The following SAMD9L variants were observed in gnomAD, a reference collection of about 807,000 sequenced individuals.
SAMD9L encodes the protein sterile alpha motif domain-containing protein 9-like.
Under a neutral mutation model 90.7 loss-of-function variants are expected in SAMD9L, and 68 were observed. That is an observed-to-expected ratio of 0.75 (90% CI 0.62 to 0.92). The LOEUF (loss-of-function observed/expected upper bound fraction) is 0.92. SAMD9L is among the 40% of genes least tolerant of loss of function. The pLI, the probability that SAMD9L is intolerant of heterozygous loss-of-function variation, is 0.00. For synonymous variants in SAMD9L, 640 were observed against 630.1 expected, an observed-to-expected ratio of 1.02 and a Z score of -0.23; for missense variants, 1,604 against 1,824.3, an observed-to-expected ratio of 0.88 and a Z score of 2.20.
At chr7:93,139,174 G>A (rs1792580840) in intron 4 of SAMD9L, among the ~76,000 whole-genome samples, 1 of 152,108 alleles carries the variant, frequency 6.6e-6, no homozygotes, top group Non-Finnish European at 1.5e-5. Flanking sequence ...ATAATTATTG[G>A]TGGCTCAATA....
At chr7:93,142,093 C>T (rs1690486208) in intron 4 of SAMD9L, among the ~76,000 whole-genome samples, 1 of 152,160 alleles carries the variant, frequency 6.6e-6, no homozygotes, top group South Asian at 2.1e-4. Flanking sequence ...AGCTCACACC[C>T]TCACCTTTTT....
chr7:93,143,819 C>G (rs1244028375), intron 4 of SAMD9L, among the ~76,000 whole-genome samples: 1 of 152,152 alleles, frequency 6.6e-6, no homozygotes, highest in East Asian at 1.9e-4. Flanking sequence ...GTAGTTGGAA[C>G]TGTTATTTAA....
Position 93,135,259 on chromosome 7 carries a change from T to G in SAMD9L, c.713A>C (p.His238Pro). Residue 238 changes from histidine (H) to proline (P), a missense_variant, in exon 5 of 5, where the codon CAT (histidine) becomes CCT (proline). Transcript: ENST00000318238. ...ATGGGGTTTGTCCTTGACTCCAAAA[T>G]GGATGGTGCCATTGGTGCGTGAATT... ...CMNSRTNGTI[H>P]FGVKDKPHGE... 6.2e-7 allele frequency: 1 copy of G among 1,614,132 alleles called. No homozygotes were observed. Among genetic ancestry groups the G allele is most frequent in the Non-Finnish European group, 8.5e-7 (1 of 1,179,984 alleles).
In SAMD9L at chr7:93,131,188, C is replaced by T. The variant is rs201546778; in HGVS notation, c.*29G>A. On this transcript the variant is annotated 3_prime_UTR_variant, in exon 5 of 5. Coordinates refer to ENST00000318238, the MANE Select transcript of SAMD9L (RefSeq NM_152703.5). ...ATAAAATCATAAAGATATAAATAAA[C>T]GTATTTGAACTACAGGTGATGTATT... is the stretch of plus-strand genomic sequence containing the variant. 11 of 1,208,680 alleles carry T rather than the reference C, an allele frequency of 9.1e-6. No individual in the cohort carries two copies. In the Admixed American group the frequency reaches 9.5e-5, roughly 10 times the overall value. 74.9% of individuals were successfully genotyped at this position (1,208,680 alleles called of 1,614,324 possible).
rs116965992 is a variant in SAMD9L at position 93,131,118 on chromosome 7, G to A, written c.*99C>T. On this transcript the variant is annotated 3_prime_UTR_variant, in exon 5 of 5. Transcript: ENST00000318238. The stretch of plus-strand genomic sequence containing the variant: ...GCAAAAGCAAAATCTGTAATTAGAG[G>A]TTAGCCATAATGTTATGAAAGTGCC... 0.016 allele frequency: 11,713 copies of A among 751,370 alleles called. 199 individuals are homozygous for A. Among genetic ancestry groups the A allele is most frequent in the East Asian group, 0.087 (2,922 of 33,428 alleles). The allele number at this position is 751,370 out of a possible 1,614,324, so 46.5% of individuals were successfully genotyped here.
chr7:93,137,835 T>C (rs997684106), intron 4 of SAMD9L, among the ~76,000 whole-genome samples: 17 of 151,456 alleles, frequency 1.1e-4, no homozygotes, highest in Non-Finnish European at 2.5e-4. Flanking sequence ...CTTGGAAAAG[T>C]TCACCAGAAA....
At chr7:93,138,334 G>A (rs181666023) in intron 4 of SAMD9L, among the ~76,000 whole-genome samples, 119 of 152,142 alleles carry the variant, frequency 7.8e-4, no homozygotes, top group African/African-American at 2.7e-3. Context: ...TTATGTACCA[G>A]GCATCATGCT....
intron 4 of SAMD9L, among the ~76,000 whole-genome samples, chr7:93,144,301 G>C (rs900903929): frequency 6.6e-6 from 1 of 152,010 alleles, no homozygotes; most frequent in African/African-American, 2.4e-5. Flanking sequence ...TACCACATCT[G>C]TGGGTTCAAT....
chr7:93,133,537 T>C lies in SAMD9L; in HGVS notation c.2435A>G (p.Tyr812Cys). 5 of 1,613,676 alleles carry C rather than the reference T, an allele frequency of 3.1e-6. No homozygotes were observed. Among genetic ancestry groups the C allele is most frequent in the Non-Finnish European group, 4.2e-6 (5 of 1,179,834 alleles). The part of the protein sequence containing the change: ...VDDFEEQENV[Y>C]FLQNAIHSVL... Reference sequence around the variant, plus strand: ...GGAATGGATGGCATTTTGTAGAAAGTAGACATTTTCTTGTTCTTCAAAATC... The same window carrying C: ...GGAATGGATGGCATTTTGTAGAAAGCAGACATTTTCTTGTTCTTCAAAATC... The change falls in exon 5 of 5, where the codon TAC becomes TGC. Residue 812 changes from tyrosine to cysteine, a missense_variant. Tyr to Cys is a radical substitution (Grantham distance 194, BLOSUM62 -2). Coordinates refer to ENST00000318238, the MANE Select transcript of SAMD9L (RefSeq NM_152703.5).
chr7:93,138,510 C>T (rs1792548127), intron 4 of SAMD9L, among the ~76,000 whole-genome samples: 1 of 152,036 alleles, frequency 6.6e-6, no homozygotes. Flanking sequence ...AAGAAGGAGT[C>T]TAGGCCTAGG....
chr7:93,132,622 G>A lies in SAMD9L; in HGVS notation c.3350C>T (p.Ser1117Phe). The A allele has an allele frequency of 6.2e-7, 1 of 1,613,520 alleles. No individual in the cohort carries two copies. Among genetic ancestry groups the A allele is most frequent in the Non-Finnish European group, 8.5e-7 (1 of 1,179,750 alleles). The change falls in exon 5 of 5, where the codon TCC (serine) becomes TTC (phenylalanine). Residue 1117 changes from serine (S) to phenylalanine (F), a missense_variant. Physicochemically the swap from Ser to Phe is radical, Grantham distance 155. Around this residue, in one of 7 missense-constraint regions of SAMD9L, gnomAD observed 302 missense variants for 314.7 expected, o/e 0.96. Transcript: ENST00000318238. Reference protein sequence around the residue: ...RQAKMKAPKNSYISDTLGQVY... With the variant: ...RQAKMKAPKNFYISDTLGQVY... ...TTGACCTAGTGTATCTGAAATATAG[G>A]AATTTTTAGGTGCTTTCATTTTGGC...
intron 4 of SAMD9L, among the ~76,000 whole-genome samples, chr7:93,137,063 A>G (rs1187001443): frequency 6.6e-6 from 1 of 152,226 alleles, no homozygotes; most frequent in Non-Finnish European, 1.5e-5. Context: ...ACAGAAAATC[A>G]GAAAGAATAT....
chr7:93,132,017 C>A lies in SAMD9L; in HGVS notation c.3955G>T (p.Glu1319Ter). Residue 1319 changes from glutamate to a stop codon, truncating the protein, a stop_gained, in exon 5 of 5, where the codon GAG (glutamate) becomes TAG (stop). Coordinates refer to ENST00000318238, the MANE Select transcript of SAMD9L (RefSeq NM_152703.5). LOFTEE classifies it high-confidence loss of function. ...TTCTCCTCCTGGAGTAATTGACTCT[C>A]TTTACTTTGTAATAGACATGGATCC... is the stretch of plus-strand genomic sequence containing the variant. ...HLDPCLLQSK[E>*]SQLLQEENCR... 6.2e-7 allele frequency: 1 copy of A among 1,613,364 alleles called. No homozygotes were observed. Among genetic ancestry groups the A allele is most frequent in the Non-Finnish European group, 8.5e-7 (1 of 1,179,760 alleles).
At position 93,131,145 on chromosome 7, in the gene SAMD9L, T is replaced by G; in HGVS notation, c.*72A>C. 42 of 998,508 alleles carry G rather than the reference T, an allele frequency of 4.2e-5. No individual in the cohort carries two copies. Among genetic ancestry groups the G allele is most frequent in the Non-Finnish European group, 5.2e-5 (37 of 705,028 alleles). 61.9% of individuals were successfully genotyped at this position (998,508 alleles called of 1,614,324 possible). On this transcript the variant is annotated 3_prime_UTR_variant, in exon 5 of 5. Coordinates refer to ENST00000318238, the MANE Select transcript of SAMD9L (RefSeq NM_152703.5). ...TAGCCATAATGTTATGAAAGTGCCA[T>G]GAGAATAGAGAGAGAGAATAAAATC... is the stretch of plus-strand genomic sequence containing the variant.
intron 4 of SAMD9L, 61 bp from the exon 5 acceptor site, chr7:93,136,052 A>G (rs1156493770): frequency 3.6e-6 from 4 of 1,105,800 alleles, no homozygotes; most frequent in Non-Finnish European, 5.0e-6. Context: ...AATCACATAG[A>G]CAATTATGTA....
chr7:93,135,029 T>A lies in SAMD9L; in HGVS notation c.943A>T (p.Ile315Leu), dbSNP rs749534461. The A allele has an allele frequency of 1.9e-6, 3 of 1,611,846 alleles. No individual in the cohort carries two copies. The highest frequency in any genetic ancestry group is 1.7e-5 in the Admixed American group (1 of 59,982). ...IEVDTIPKHSICNDKYFYIQM... is the reference protein window; with the variant it reads ...IEVDTIPKHSLCNDKYFYIQM... Reference sequence around the variant, plus strand: ...ATGTAGAAATACTTATCATTACATATAGAGTGTTTTGGAATAGTATCAACT... The same window carrying A: ...ATGTAGAAATACTTATCATTACATAAAGAGTGTTTTGGAATAGTATCAACT... Residue 315 changes from isoleucine (I) to leucine (L), a missense_variant, in exon 5 of 5, where the codon ATA becomes TTA. This residue lies in a region of SAMD9L where 374 missense variants were observed against 363.6 expected (regional missense o/e 1.03). Transcript: ENST00000318238.
intron 4 of SAMD9L, among the ~76,000 whole-genome samples, chr7:93,138,461 T>C (rs1792545101): frequency 6.6e-6 from 1 of 151,892 alleles, no homozygotes; most frequent in Non-Finnish European, 1.5e-5. Context: ...TCAGAAAAGT[T>C]TGTACTGACA....
Position 93,134,241 on chromosome 7 carries a change from C to T in SAMD9L, c.1731G>A (p.Met577Ile), listed in dbSNP as rs1184936221. Residue 577 changes from methionine to isoleucine, a missense_variant, in exon 5 of 5, where the codon ATG becomes ATA. Transcript: ENST00000318238. ...TATGTGAGTTTACAGAGATACACAA[C>T]ATATTTTCCATTCCTTTGAGAGCTT... ...FYQALKGMEN[M>I]LCISVNSHIY... The T allele has an allele frequency of 6.2e-7, 1 of 1,613,518 alleles. No homozygotes were observed. Among genetic ancestry groups the T allele is most frequent in the Non-Finnish European group, 8.5e-7 (1 of 1,179,816 alleles).
intron 1 of SAMD9L, among the ~76,000 whole-genome samples, chr7:93,147,545 G>A (rs557058440): frequency 6.6e-6 from 1 of 152,216 alleles, no homozygotes; most frequent in East Asian, 1.9e-4. Context: ...TGCTCTGCAG[G>A]ATTCTTAGAA....
Sources: gnomAD v4.1 joint callset for allele counts (sites outside exome capture counted in the v4.1 genomes callset) on GRCh38, gnomAD v4.1.1 for gene constraint, gnomAD v4.1.1 regional missense constraint, MANE v1.5 for transcripts, NCBI Gene and HGNC (gene_info 2026-07-23, HGNC 2026-07-21) for gene names.